The following PHLDB2 variants were observed in gnomAD, a reference collection of about 807,000 sequenced individuals.
PHLDB2 encodes the protein pleckstrin homology like domain family B member 2.
PHLDB2 carries 71 observed loss-of-function variants against 123.6 expected under a neutral mutation model. The ratio of observed to expected loss-of-function variants is 0.57; its 90% CI spans 0.47 to 0.70. The LOEUF (loss-of-function observed/expected upper bound fraction) is 0.70. Among genes scored for constraint, PHLDB2 ranks in the 30% least tolerant of loss-of-function variants. PHLDB2 has a pLI of 0.00. For missense variants in PHLDB2, 1,446 were observed against 1,519.5 expected (o/e 0.95, Z 0.80); for synonymous variants, 547 against 541.6 (o/e 1.01, Z -0.14).
Position 111,740,188 on chromosome 3 carries a change from T to A in PHLDB2, c.-49+7485T>A, listed in dbSNP as rs191894202. On this transcript the variant is annotated intron_variant, in intron 1 of 17. Transcript: ENST00000393923. ...GGGTTTACCTTATCACCCAGACCCA[T>A]GCCTAGGGAGTGCTAAGACCCTGAA... Among the ~76,000 whole-genome samples the A allele has an allele frequency of 2.0e-5, 3 of 152,172 alleles. No homozygotes were observed. The East Asian group carries it at 5.8e-4, about 29-fold the overall frequency.
intron 2 of PHLDB2, among the ~76,000 whole-genome samples, chr3:111,853,050 G>A (rs948852133): frequency 1.3e-5 from 2 of 151,666 alleles, no homozygotes; most frequent in Non-Finnish European, 2.9e-5. Context: ...CTTTAGTTTT[G>A]GTTAACATTC....
chr3:111,780,412 A>AAGAAGAAGAAGAAGAAGAGGAAG (rs1326616017), intron 1 of PHLDB2, among the ~76,000 whole-genome samples: 1 of 116,680 alleles, frequency 8.6e-6, no homozygotes, highest in African/African-American at 3.4e-5. Context: ...AGAAGAAGAA[A>AAGAAGAAGAAGAAGAAGAGGAAG]AAGATTAGTT....
At chr3:111,804,849 A>G (rs1293387688) in intron 1 of PHLDB2, among the ~76,000 whole-genome samples, 1 of 152,242 alleles carries the variant, frequency 6.6e-6, no homozygotes, top group Non-Finnish European at 1.5e-5. Context: ...AAAAACTTCA[A>G]AATTATGTAA....
chr3:111,945,305 C>G lies in PHLDB2; in HGVS notation c.2435C>G (p.Ser812Cys), dbSNP rs1243917808. 1.2e-6 allele frequency: 2 copies of G among 1,611,212 alleles called. No individual in the cohort carries two copies. The highest frequency in any genetic ancestry group is 1.7e-6 in the Non-Finnish European group (2 of 1,177,786). ...CTTTGTAATTTGGAAAAGAAATACT[C>G]CAGCCTCTCTGGGGGGAAAGGGTTT... ...ENLCNLEKKY[S>C]SLSGGKGFPV... Residue 812 changes from serine (S) to cysteine (C), a missense_variant, in exon 9 of 18, where the codon TCC becomes TGC. Physicochemically the swap from Ser to Cys is moderately radical, Grantham distance 112 (BLOSUM62 -1). Around this residue, in one of 3 missense-constraint regions of PHLDB2, gnomAD observed 594 missense variants for 646.0 expected, o/e 0.92. Transcript: ENST00000431670.
chr3:111,814,477 T>C (rs2061981542), intron 1 of PHLDB2, among the ~76,000 whole-genome samples: 1 of 152,172 alleles, frequency 6.6e-6, no homozygotes, highest in Non-Finnish European at 1.5e-5. Context: ...AGTTAATACT[T>C]AATAAACTCT....
chr3:111,951,653 A>G (rs712516), intron 10 of PHLDB2, among the ~76,000 whole-genome samples: 150,962 of 152,268 alleles, frequency 0.99, 74,850 homozygotes, highest in Middle Eastern at 1. Context: ...TTGTGAAGCT[A>G]AGTGGTGGGA....
chr3:111,922,999 C>G (rs1213603528), intron 5 of PHLDB2, among the ~76,000 whole-genome samples: 1 of 152,270 alleles, frequency 6.6e-6, no homozygotes, highest in East Asian at 1.9e-4. Context: ...TCTTTACTGT[C>G]AGCATGCCAA....
intron 2 of PHLDB2, among the ~76,000 whole-genome samples, chr3:111,901,863 T>C (rs544554383): frequency 6.6e-6 from 1 of 152,360 alleles, no homozygotes; most frequent in East Asian, 1.9e-4. Context: ...AGATGCTGTA[T>C]GGAAATTATG....
At chr3:111,802,386 G>T (rs1352568729) in intron 1 of PHLDB2, among the ~76,000 whole-genome samples, 1 of 152,238 alleles carries the variant, frequency 6.6e-6, no homozygotes, top group African/African-American at 2.4e-5. Context: ...TCTCTGTGTT[G>T]TCCTAGACAC....
chr3:111,886,597 A>G (rs2066178502), intron 2 of PHLDB2, among the ~76,000 whole-genome samples: 1 of 152,254 alleles, frequency 6.6e-6, no homozygotes, highest in Admixed American at 6.5e-5. Flanking sequence ...TCCAGAAGGA[A>G]ATACGTTTGA....
chr3:111,870,050 T>C (rs1388080860), intron 1 of PHLDB2, among the ~76,000 whole-genome samples: 3 of 152,180 alleles, frequency 2.0e-5, no homozygotes, highest in Non-Finnish European at 4.4e-5. Context: ...CTAACAGGCT[T>C]TTTTCTCTCT....
rs1005463630 is a variant in PHLDB2, at chr3:111,741,260, C to A, written c.-49+8557C>A. On this transcript the variant is annotated intron_variant, in intron 1 of 17. Coordinates refer to the PHLDB2 transcript ENST00000393923. ...CATTGATAGTCAAGGAAGTCAGAGT[C>A]CATGGGTCTCCCATCTGTGCCCGAG... 3.3e-5 allele frequency among the ~76,000 whole-genome samples: 5 copies of A among 152,326 alleles called. 1 individual carries two copies. Among genetic ancestry groups the A allele is most frequent in the Admixed American group, 2.6e-4 (4 of 15,298 alleles).
chr3:111,853,218 C>T (rs1305911667), intron 2 of PHLDB2, among the ~76,000 whole-genome samples: 1 of 152,054 alleles, frequency 6.6e-6, no homozygotes, highest in Non-Finnish European at 1.5e-5. Flanking sequence ...TACCGTTACA[C>T]AAAAATTTAA....
intron 1 of PHLDB2, among the ~76,000 whole-genome samples, chr3:111,799,130 GA>G (rs2061284554): frequency 6.6e-6 from 1 of 152,172 alleles, no homozygotes; most frequent in Non-Finnish European, 1.5e-5. Flanking sequence ...TAGCATGGGG[GA>G]AACCACCCCC....
chr3:111,815,650 T>C (rs995638860), intron 1 of PHLDB2, among the ~76,000 whole-genome samples: 3 of 152,206 alleles, frequency 2.0e-5, no homozygotes, highest in Non-Finnish European at 4.4e-5. Flanking sequence ...ACTTGGGTGC[T>C]GTTAGAGGCA....
At chr3:111,868,053 G>A (rs1273037917) in intron 1 of PHLDB2, among the ~76,000 whole-genome samples, 2 of 151,718 alleles carry the variant, frequency 1.3e-5, no homozygotes, top group East Asian at 3.9e-4. Flanking sequence ...AGACTGGAGA[G>A]CAGTGGCATG....
intron 16 of PHLDB2, among the ~76,000 whole-genome samples, chr3:111,970,485 T>TA (rs2072099052): frequency 6.6e-6 from 1 of 152,196 alleles, no homozygotes; most frequent in African/African-American, 2.4e-5. Flanking sequence ...GTTCATAAAC[T>TA]AGAATGATCT....
chr3:111,819,964 G>A (rs997790990), intron 1 of PHLDB2, among the ~76,000 whole-genome samples: 5 of 152,188 alleles, frequency 3.3e-5, no homozygotes, highest in South Asian at 2.1e-4. Flanking sequence ...GCAGGCTTTC[G>A]TGGTAATGAA....
chr3:111,852,190 G>A (rs1341904418), intron 2 of PHLDB2, among the ~76,000 whole-genome samples: 4 of 151,250 alleles, frequency 2.6e-5, no homozygotes, highest in South Asian at 2.1e-4. Context: ...GAATTCTCCC[G>A]TGTGCTGAAG....
Sources: gnomAD v4.1 joint callset for allele counts (sites outside exome capture counted in the v4.1 genomes callset) on GRCh38, gnomAD v4.1.1 for gene constraint, gnomAD v4.1.1 regional missense constraint, MANE v1.5 for transcripts, NCBI Gene and HGNC (gene_info 2026-07-23, HGNC 2026-07-21) for gene names.